The following OR51B6 variants were observed in gnomAD, a reference collection of about 807,000 sequenced individuals.
OR51B6 encodes olfactory receptor family 51 subfamily B member 6.
For missense variants in OR51B6, 502 were observed against 382.2 expected (o/e 1.31, Z -2.61); for synonymous variants, 154 against 137.3 (o/e 1.12, Z -0.85).
chr11:5,351,946 T>C lies in OR51B6; in HGVS notation c.439T>C (p.Leu147=), dbSNP rs780239714. 8 of 1,613,098 alleles carry C rather than the reference T, an allele frequency of 5.0e-6. No individual in the cohort carries two copies. The highest frequency in any genetic ancestry group is 2.2e-5 in the South Asian group (2 of 91,070). Residue 147 remains leucine (L), a synonymous_variant, in exon 1 of 1, where the codon TTG becomes CTG. Coordinates refer to ENST00000380219, the MANE Select transcript of OR51B6 (RefSeq NM_001004750.1). Reference sequence around the variant, plus strand: ...GGTAATGAAGATTGGTGTGCGGGTATTGACAAGGGCTGGTCTGTCCATTAT... The same window carrying C: ...GGTAATGAAGATTGGTGTGCGGGTACTGACAAGGGCTGGTCTGTCCATTAT... The part of the protein sequence containing the change: ...TQVMKIGVRV[L]TRAGLSIMPI...
Position 5,352,424 on chromosome 11 carries a change from C to T in OR51B6, c.917C>T (p.Ser306Phe). 1.3e-6 allele frequency: 2 copies of T among 1,596,082 alleles called. No individual in the cohort carries two copies. Among genetic ancestry groups the T allele is most frequent in the Non-Finnish European group, 1.7e-6 (2 of 1,169,228 alleles). Residue 306 changes from serine to phenylalanine, a missense_variant, in exon 1 of 1, where the codon TCT (serine) becomes TTT (phenylalanine). Ser to Phe is a radical substitution (Grantham distance 155, BLOSUM62 -2). Transcript: ENST00000380219. ...QIQSGILRLF[S>F]LPHSRA ...CAGAGTGGCATACTTCGTTTATTCT[C>T]TCTGCCTCACTCTAGAGCATGACAT...
Position 5,351,601 on chromosome 11 carries a change from G to C in OR51B6, c.94G>C (p.Ala32Pro). 2 of 1,614,070 alleles carry C rather than the reference G, an allele frequency of 1.2e-6. No individual in the cohort carries two copies. ...HHWIFIPLLAAYISILLGNGT... is the reference protein window; with the variant it reads ...HHWIFIPLLAPYISILLGNGT... Reference sequence around the variant, plus strand: ...CTGGATATTCATCCCATTATTGGCAGCCTACATCTCCATACTTCTTGGCAA... The same window carrying C: ...CTGGATATTCATCCCATTATTGGCACCCTACATCTCCATACTTCTTGGCAA... The change falls in exon 1 of 1, where the codon GCC (alanine) becomes CCC (proline). Residue 32 changes from alanine (A) to proline (P), a missense_variant. By Grantham distance (27) the Ala-to-Pro change is conservative. Transcript: ENST00000380219.
chr11:5,351,521 A>G lies in OR51B6; in HGVS notation c.14A>G (p.Lys5Arg), dbSNP rs4910755. ...GCAAAGCTGGCAATGGGGCTCAATA[A>G]GTCTGCTTCCACCTTCCAGCTTACT... MGLN[K>R]SASTFQLTGF... is the part of the protein sequence containing the mutation. The change falls in exon 1 of 1, where the codon AAG becomes AGG. Residue 5 changes from lysine to arginine, a missense_variant. Coordinates refer to ENST00000380219, the MANE Select transcript of OR51B6 (RefSeq NM_001004750.1). The G allele has an allele frequency of 9.6e-5, 155 of 1,611,214 alleles. No individual in the cohort carries two copies. The Admixed American group carries it at 2.6e-3, about 27-fold the overall frequency.
In OR51B6 at chr11:5,352,085, A is replaced by G. The variant is rs200867968; in HGVS notation, c.578A>G (p.Asn193Ser). The G allele has an allele frequency of 1.4e-5, 23 of 1,613,922 alleles. No individual in the cohort carries two copies. The highest frequency in any genetic ancestry group is 1.9e-5 in the Non-Finnish European group (22 of 1,179,932). ...IKLACADITF[N>S]RLYPVVVLFA... The stretch of plus-strand genomic sequence containing the variant: ...CTAGCCTGTGCTGACATCACCTTCA[A>G]CCGTCTCTATCCAGTTGTAGTTTTA... Residue 193 changes from asparagine to serine, a missense_variant, in exon 1 of 1, where the codon AAC (asparagine) becomes AGC (serine). Asn to Ser is a conservative substitution (Grantham distance 46). Transcript: ENST00000380219.
In OR51B6 at chr11:5,351,951, A is replaced by G; in HGVS notation, c.444A>G (p.Thr148=). 6.2e-7 allele frequency: 1 copy of G among 1,613,064 alleles called. No individual in the cohort carries two copies. Among genetic ancestry groups the G allele is most frequent in the Non-Finnish European group, 8.5e-7 (1 of 1,179,082 alleles). The change falls in exon 1 of 1, where the codon ACA becomes ACG. Residue 148 remains threonine, a synonymous_variant. Coordinates refer to ENST00000380219, the MANE Select transcript of OR51B6 (RefSeq NM_001004750.1). ...TGAAGATTGGTGTGCGGGTATTGAC[A>G]AGGGCTGGTCTGTCCATTATGCCAA... ...QVMKIGVRVL[T]RAGLSIMPIV...
In OR51B6 at chr11:5,352,088, GTC is replaced by G; in HGVS notation, c.585_586del (p.Tyr196SerfsTer65). ...GCCTGTGCTGACATCACCTTCAACC[GTC>G]TCTATCCAGTTGTAGTTTTATTTGC... On this transcript the variant is annotated frameshift_variant, in exon 1 of 1. Coordinates refer to ENST00000380219, the MANE Select transcript of OR51B6 (RefSeq NM_001004750.1). LOFTEE classifies it low-confidence loss of function (END_TRUNC). The G allele has an allele frequency of 6.2e-7, 1 of 1,614,066 alleles. No individual in the cohort carries two copies. Among genetic ancestry groups the G allele is most frequent in the South Asian group, 1.1e-5 (1 of 91,076 alleles).
rs754956459 is a variant in OR51B6, at chr11:5,352,125, G to T, written c.618G>T (p.Leu206Phe). Residue 206 changes from leucine to phenylalanine, a missense_variant, in exon 1 of 1, where the codon TTG (leucine) becomes TTT (phenylalanine). Physicochemically the swap from Leu to Phe is conservative, Grantham distance 22. Coordinates refer to ENST00000380219, the MANE Select transcript of OR51B6 (RefSeq NM_001004750.1). ...TTGTAGTTTTATTTGCAATGGTCTT[G>T]TTGGACTTTCTCATCATCTTTTTCT... Reference protein sequence around the residue: ...YPVVVLFAMVLLDFLIIFFSY... With the variant: ...YPVVVLFAMVFLDFLIIFFSY... The T allele has an allele frequency of 5.6e-6, 9 of 1,614,000 alleles. No individual in the cohort carries two copies. The highest frequency in any genetic ancestry group is 1.1e-5 in the South Asian group (1 of 91,078).
In OR51B6 at chr11:5,351,708, A is replaced by G; in HGVS notation, c.201A>G (p.Thr67=). The part of the protein sequence containing the change: ...MYYFLAMLAA[T]DLGVTLTTMP... ...ATTTCTTAGCTATGTTGGCAGCTAC[A>G]GACCTCGGAGTGACATTGACCACAA... The change falls in exon 1 of 1, where the codon ACA becomes ACG. Residue 67 remains threonine, a synonymous_variant. Transcript: ENST00000380219. 1 of 1,614,092 alleles carries G rather than the reference A, an allele frequency of 6.2e-7. No individual in the cohort carries two copies. Among genetic ancestry groups the G allele is most frequent in the Non-Finnish European group, 8.5e-7 (1 of 1,179,998 alleles).
rs1849112333 is a variant in OR51B6 at position 5,352,446 on chromosome 11, A to C, written c.939A>C (p.Ter313CysextTer?). ...TCTCTCTGCCTCACTCTAGAGCATG[A>C]CATTGTTTCACTGGTCTCTGAGGAA... Reference protein sequence around the residue: ...RLFSLPHSRA* With the variant: ...RLFSLPHSRAC Residue 313 changes from the stop codon to cysteine, a stop_lost, in exon 1 of 1, where the codon TGA (stop) becomes TGC (cysteine). Transcript: ENST00000380219. The C allele has an allele frequency of 6.4e-7, 1 of 1,551,678 alleles. No homozygotes were observed. The highest frequency in any genetic ancestry group is 1.1e-5 in the South Asian group (1 of 87,386).
rs1436455886 is a variant in OR51B6, at chr11:5,352,401, G to C, written c.894G>C (p.Gln298His). Residue 298 changes from glutamine to histidine, a missense_variant, in exon 1 of 1, where the codon CAG (glutamine) becomes CAC (histidine). Gln to His is a conservative substitution (Grantham distance 24, BLOSUM62 0). Transcript: ENST00000380219. ...ATAGCATTAAAACTAAGCAGATTCA[G>C]AGTGGCATACTTCGTTTATTCTCTC... The part of the protein sequence containing the change: ...FIYSIKTKQI[Q>H]SGILRLFSLP... 1 of 1,612,094 alleles carries C rather than the reference G, an allele frequency of 6.2e-7. No homozygotes were observed. Among genetic ancestry groups the C allele is most frequent in the African/African-American group, 1.3e-5 (1 of 75,008 alleles).
rs1349591655 is a variant in OR51B6, at chr11:5,351,934, G to T, written c.427G>T (p.Gly143Cys). ...GACCAACACCCAGGTAATGAAGATT[G>T]GTGTGCGGGTATTGACAAGGGCTGG... The part of the protein sequence containing the change: ...ILTNTQVMKI[G>C]VRVLTRAGLS... Residue 143 changes from glycine (G) to cysteine (C), a missense_variant, in exon 1 of 1, where the codon GGT becomes TGT. Physicochemically the swap from Gly to Cys is radical, Grantham distance 159. Coordinates refer to ENST00000380219, the MANE Select transcript of OR51B6 (RefSeq NM_001004750.1). 1 of 1,612,898 alleles carries T rather than the reference G, an allele frequency of 6.2e-7. No individual in the cohort carries two copies. The highest frequency in any genetic ancestry group is 8.5e-7 in the Non-Finnish European group (1 of 1,179,044).
rs145516485 is a variant in OR51B6, at chr11:5,352,223, G to A, written c.716G>A (p.Cys239Tyr). Residue 239 changes from cysteine (C) to tyrosine (Y), a missense_variant, in exon 1 of 1, where the codon TGT becomes TAT. Cys to Tyr is a radical substitution (Grantham distance 194). Coordinates refer to ENST00000380219, the MANE Select transcript of OR51B6 (RefSeq NM_001004750.1). The stretch of plus-strand genomic sequence containing the variant: ...GAAAGGGCCAAGGCCCTCAACACAT[G>A]TGTCTCTCATATCTGCTGCATCCTG... ...GGERAKALNT[C>Y]VSHICCILVF... 3 of 1,614,160 alleles carry A rather than the reference G, an allele frequency of 1.9e-6. No homozygotes were observed. Among genetic ancestry groups the A allele is most frequent in the Non-Finnish European group, 2.5e-6 (3 of 1,179,970 alleles).
rs779369370 is a variant in OR51B6 at position 5,351,516 on chromosome 11, C to T, written c.9C>T (p.Leu3=). 3.7e-6 allele frequency: 6 copies of T among 1,610,854 alleles called. No homozygotes were observed. The highest frequency in any genetic ancestry group is 5.1e-6 in the Non-Finnish European group (6 of 1,178,530). MG[L]NKSASTFQLT... is the part of the protein sequence containing the mutation. Reference sequence around the variant, plus strand: ...TCTTTGCAAAGCTGGCAATGGGGCTCAATAAGTCTGCTTCCACCTTCCAGC... The same window carrying T: ...TCTTTGCAAAGCTGGCAATGGGGCTTAATAAGTCTGCTTCCACCTTCCAGC... The change falls in exon 1 of 1, where the codon CTC becomes CTT. Residue 3 remains leucine, a synonymous_variant. Transcript: ENST00000380219.
In OR51B6 at chr11:5,351,549, C is replaced by T. The variant is rs1849086778; in HGVS notation, c.42C>T (p.Gly14=). The T allele has an allele frequency of 1.2e-6, 2 of 1,613,664 alleles. No individual in the cohort carries two copies. The highest frequency in any genetic ancestry group is 2.2e-5 in the East Asian group (1 of 44,868). ...CTGCTTCCACCTTCCAGCTTACTGG[C>T]TTCCCAGGCATGGAGAAGGCACATC... The part of the protein sequence containing the change: ...NKSASTFQLT[G]FPGMEKAHHW... Residue 14 remains glycine, a synonymous_variant, in exon 1 of 1, where the codon GGC becomes GGT. Transcript: ENST00000380219.
rs1318976146 is a variant in OR51B6 at position 5,351,619 on chromosome 11, C to A, written c.112C>A (p.Leu38Ile). ...ATTGGCAGCCTACATCTCCATACTT[C>A]TTGGCAATGGCACTCTTCTCTTTCT... ...PLLAAYISIL[L>I]GNGTLLFLIR... Residue 38 changes from leucine (L) to isoleucine (I), a missense_variant, in exon 1 of 1, where the codon CTT becomes ATT. Leu to Ile is a conservative substitution (Grantham distance 5). Coordinates refer to ENST00000380219, the MANE Select transcript of OR51B6 (RefSeq NM_001004750.1). The A allele has an allele frequency of 1.2e-6, 2 of 1,614,088 alleles. No homozygotes were observed. Among genetic ancestry groups the A allele is most frequent in the African/African-American group, 1.3e-5 (1 of 75,062 alleles).
At position 5,351,691 on chromosome 11, in the gene OR51B6, G is replaced by C; in HGVS notation, c.184G>C (p.Ala62Pro). Residue 62 changes from alanine (A) to proline (P), a missense_variant, in exon 1 of 1, where the codon GCT becomes CCT. Physicochemically the swap from Ala to Pro is conservative, Grantham distance 27. Coordinates refer to ENST00000380219, the MANE Select transcript of OR51B6 (RefSeq NM_001004750.1). ...NLHEPMYYFL[A>P]MLAATDLGVT... Reference sequence around the variant, plus strand: ...CCATGAGCCCATGTACTATTTCTTAGCTATGTTGGCAGCTACAGACCTCGG... The same window carrying C: ...CCATGAGCCCATGTACTATTTCTTACCTATGTTGGCAGCTACAGACCTCGG... 8 of 1,614,048 alleles carry C rather than the reference G, an allele frequency of 5.0e-6. No individual in the cohort carries two copies. The highest frequency in any genetic ancestry group is 6.8e-6 in the Non-Finnish European group (8 of 1,179,990).
Position 5,351,682 on chromosome 11 carries a change from T to A in OR51B6, c.175T>A (p.Tyr59Asn), listed in dbSNP as rs776692494. The A allele has an allele frequency of 6.2e-7, 1 of 1,614,158 alleles. No individual in the cohort carries two copies. Among genetic ancestry groups the A allele is most frequent in the South Asian group, 1.1e-5 (1 of 91,082 alleles). ...TCATAACCTCCATGAGCCCATGTACTATTTCTTAGCTATGTTGGCAGCTAC... is the reference window on the plus strand; with the variant it reads ...TCATAACCTCCATGAGCCCATGTACAATTTCTTAGCTATGTTGGCAGCTAC... Reference protein sequence around the residue: ...NDHNLHEPMYYFLAMLAATDL... With the variant: ...NDHNLHEPMYNFLAMLAATDL... Residue 59 changes from tyrosine to asparagine, a missense_variant, in exon 1 of 1, where the codon TAT becomes AAT. Tyr to Asn is a moderately radical substitution (Grantham distance 143, BLOSUM62 -2). Transcript: ENST00000380219.
chr11:5,351,739 A>C lies in OR51B6; in HGVS notation c.232A>C (p.Thr78Pro), dbSNP rs950287665. 5.6e-6 allele frequency: 9 copies of C among 1,613,960 alleles called. No individual in the cohort carries two copies. The highest frequency in any genetic ancestry group is 7.6e-6 in the Non-Finnish European group (9 of 1,179,924). Residue 78 changes from threonine (T) to proline (P), a missense_variant, in exon 1 of 1, where the codon ACA (threonine) becomes CCA (proline). Coordinates refer to ENST00000380219, the MANE Select transcript of OR51B6 (RefSeq NM_001004750.1). ...DLGVTLTTMP[T>P]VLGVLWLDHR... ...CGGAGTGACATTGACCACAATGCCC[A>C]CAGTGCTAGGTGTTCTGTGGTTAGA...
chr11:5,351,779 G>T lies in OR51B6; in HGVS notation c.272G>T (p.Gly91Val). ...GVLWLDHREI[G>V]HGACFSQAYF... ...CTGTGGTTAGATCACAGGGAGATTG[G>T]CCATGGAGCCTGCTTCTCTCAGGCC... Residue 91 changes from glycine (G) to valine (V), a missense_variant, in exon 1 of 1, where the codon GGC becomes GTC. Gly to Val is a moderately radical substitution (Grantham distance 109). Coordinates refer to ENST00000380219, the MANE Select transcript of OR51B6 (RefSeq NM_001004750.1). 1.2e-6 allele frequency: 2 copies of T among 1,614,042 alleles called. No individual in the cohort carries two copies. Among genetic ancestry groups the T allele is most frequent in the Non-Finnish European group, 1.7e-6 (2 of 1,179,980 alleles).
Sources: gnomAD v4.1 joint callset for allele counts on GRCh38, gnomAD v4.1.1 for gene constraint, MANE v1.5 for transcripts, NCBI Gene and HGNC (gene_info 2026-07-23, HGNC 2026-07-21) for gene names.